SGCZ: variants seen among roughly 807,000 people sequenced by gnomAD.
The protein encoded by SGCZ is sarcoglycan zeta.
Under a neutral mutation model 41.3 loss-of-function variants are expected in SGCZ, and 40 were observed. That is an observed-to-expected ratio of 0.97 (90% CI 0.75 to 1.26). The LOEUF is 1.26. SGCZ is among the 50% of genes most tolerant of loss of function. The pLI, the probability that SGCZ is intolerant of heterozygous loss-of-function variation, is 0.00. For synonymous variants in SGCZ, 206 were observed against 137.5 expected (o/e 1.50, Z -3.49); for missense variants, 552 against 369.8 (o/e 1.49, Z -4.04).
intron 2 of SGCZ, among the ~76,000 whole-genome samples, chr8:14,394,427 G>A (rs1443079222): frequency 6.6e-6 from 1 of 152,064 alleles, no homozygotes; most frequent in Non-Finnish European, 1.5e-5. Flanking sequence ...GGGATTACAG[G>A]CATGAGCCAC....
At chr8:15,117,299 C>A (rs1345725623) in intron 1 of SGCZ, among the ~76,000 whole-genome samples, 1 of 151,408 alleles carries the variant, frequency 6.6e-6, no homozygotes, top group Non-Finnish European at 1.5e-5. Flanking sequence ...GGGGAGCTCG[C>A]GGTGAGCCGA....
intron 1 of SGCZ, among the ~76,000 whole-genome samples, chr8:15,180,504 C>T (rs1034400068): frequency 1.3e-5 from 2 of 151,850 alleles, no homozygotes; most frequent in Admixed American, 1.3e-4. Flanking sequence ...TGTAAATGCT[C>T]TCTTTGATCA....
intron 2 of SGCZ, among the ~76,000 whole-genome samples, chr8:14,474,365 A>T (rs973725586): frequency 2.8e-4 from 42 of 152,224 alleles, no homozygotes; most frequent in Non-Finnish European, 2.9e-4. Context: ...GGGTCTATAG[A>T]CTTCTAAATC....
At chr8:14,377,757 C>T (rs1217316804) in intron 2 of SGCZ, among the ~76,000 whole-genome samples, 2 of 151,424 alleles carry the variant, frequency 1.3e-5, no homozygotes, top group Non-Finnish European at 1.5e-5. Context: ...TCAATTCCCA[C>T]CTATGAGTGA....
intron 1 of SGCZ, among the ~76,000 whole-genome samples, chr8:15,102,350 T>A (rs1307758711): frequency 1.3e-5 from 2 of 152,098 alleles, no homozygotes; most frequent in African/African-American, 4.8e-5. Flanking sequence ...GTAAGTGGGT[T>A]GCTAGGGGTT....
intron 2 of SGCZ, among the ~76,000 whole-genome samples, chr8:14,355,451 T>C (rs932724674): frequency 6.6e-6 from 1 of 152,124 alleles, no homozygotes; most frequent in African/African-American, 2.4e-5. Flanking sequence ...TACTGGCCTA[T>C]TTATATGAGC....
intron 1 of SGCZ, among the ~76,000 whole-genome samples, chr8:14,800,755 A>G (rs1429460086): frequency 6.6e-6 from 1 of 152,096 alleles, no homozygotes; most frequent in East Asian, 1.9e-4. Context: ...TCAATTAAAC[A>G]TTTTTTCTTT....
At chr8:15,119,183 C>T (rs1417857100) in intron 1 of SGCZ, among the ~76,000 whole-genome samples, 3 of 152,050 alleles carry the variant, frequency 2.0e-5, no homozygotes, top group Non-Finnish European at 1.5e-5. Flanking sequence ...TAGCAATGAA[C>T]ATCAAAAATA....
intron 4 of SGCZ, among the ~76,000 whole-genome samples, chr8:14,206,151 A>C (rs1805608517): frequency 6.6e-6 from 1 of 152,150 alleles, no homozygotes; most frequent in Non-Finnish European, 1.5e-5. Context: ...TATAAGGTCA[A>C]GTTATTAATA....
intron 1 of SGCZ, among the ~76,000 whole-genome samples, chr8:15,027,791 G>A (rs572561246): frequency 6.6e-6 from 1 of 151,640 alleles, no homozygotes; most frequent in African/African-American, 2.4e-5. Flanking sequence ...GAAGGGAGAG[G>A]GATAAAAAAG....
chr8:14,334,538 A>G (rs1802444796), intron 2 of SGCZ, among the ~76,000 whole-genome samples: 1 of 152,116 alleles, frequency 6.6e-6, no homozygotes, highest in African/African-American at 2.4e-5. Flanking sequence ...CTTCCCTAAT[A>G]GTCTTCATTA....
intron 2 of SGCZ, among the ~76,000 whole-genome samples, chr8:14,482,331 A>G (rs1801556811): frequency 6.6e-6 from 1 of 152,160 alleles, no homozygotes; most frequent in Non-Finnish European, 1.5e-5. Flanking sequence ...ATAATTTCAC[A>G]AGCAAACAGC....
At chr8:14,655,292 T>C (rs563440706) in intron 1 of SGCZ, among the ~76,000 whole-genome samples, 1 of 152,246 alleles carries the variant, frequency 6.6e-6, no homozygotes. Flanking sequence ...ACTATGTAAC[T>C]GCTTGTAGAA....
intron 1 of SGCZ, among the ~76,000 whole-genome samples, chr8:14,871,389 A>G (rs1804144565): frequency 6.6e-6 from 1 of 152,206 alleles, no homozygotes; most frequent in South Asian, 2.1e-4. Context: ...TACTGCGTAT[A>G]TACCCAAAGG....
rs368875833 is a variant in SGCZ, at chr8:14,685,149, A to G, written c.40-130223T>C. On this transcript the variant is annotated intron_variant, in intron 1 of 7. Coordinates refer to ENST00000382080, the MANE Select transcript of SGCZ (RefSeq NM_139167.4). ...TAAATATTCTAAAATTAATACTGAT[A>G]AAGAAGGAAAATTAAATCTTCAAGT... Among the ~76,000 whole-genome samples, 3 of 152,268 alleles carry G rather than the reference A, an allele frequency of 2.0e-5. No homozygotes were observed. In the East Asian group the frequency reaches 5.8e-4, roughly 29 times the overall value.
At chr8:14,867,889 C>A (rs1329708474) in intron 1 of SGCZ, among the ~76,000 whole-genome samples, 6 of 150,224 alleles carry the variant, frequency 4.0e-5, no homozygotes, top group Non-Finnish European at 8.9e-5. Flanking sequence ...AAGTAACAAA[C>A]TGTACTTGTG....
intron 3 of SGCZ, among the ~76,000 whole-genome samples, chr8:14,253,707 A>G (rs1239023766): frequency 1.3e-5 from 2 of 152,142 alleles, no homozygotes; most frequent in Non-Finnish European, 2.9e-5. Flanking sequence ...TGTCTTATTT[A>G]TATATGTAAC....
intron 1 of SGCZ, among the ~76,000 whole-genome samples, chr8:15,008,067 C>CA (rs1348879156): frequency 3.3e-5 from 5 of 151,916 alleles, no homozygotes; most frequent in South Asian, 2.1e-4. Context: ...ATAAAAATAT[C>CA]AAAAAAACTA....
intron 1 of SGCZ, among the ~76,000 whole-genome samples, chr8:14,774,065 G>A (rs1256859326): frequency 6.6e-6 from 1 of 152,048 alleles, no homozygotes; most frequent in East Asian, 1.9e-4. Flanking sequence ...GTTTTTGCAC[G>A]GGTGTTTTTC....
Sources: gnomAD v4.1 joint callset for allele counts (sites outside exome capture counted in the v4.1 genomes callset) on GRCh38, gnomAD v4.1.1 for gene constraint, MANE v1.5 for transcripts, NCBI Gene and HGNC (gene_info 2026-07-23, HGNC 2026-07-21) for gene names.